Variants in AFF1 observed in about 807,000 individuals in gnomAD.
The protein encoded by AFF1 is ALF transcription elongation factor 1.
AFF1 carries 48 observed loss-of-function variants against 121.7 expected under a neutral mutation model. That is an observed-to-expected ratio of 0.39 (90% CI 0.31 to 0.50). AFF1 has a LOEUF of 0.50. Among genes scored for constraint, AFF1 ranks in the 20% least tolerant of loss-of-function variants. The pLI is 0.76. For missense variants in AFF1, 1,523 were observed against 1,511.7 expected (o/e 1.01, Z -0.12); for synonymous variants, 613 against 563.0 (o/e 1.09, Z -1.26).
intron 4 of AFF1, 113 bp downstream of exon 4, chr4:87,047,707 G>A: frequency 7.1e-7 from 1 of 1,406,238 alleles, no homozygotes; most frequent in Non-Finnish European, 1.0e-6. Context: ...TTTGGGTAGG[G>A]GGAATTCTTT....
At position 87,127,011 on chromosome 4, in the gene AFF1, AT is replaced by A. The variant is rs11448202; in HGVS notation, c.2812-5del. On this transcript the variant is annotated splice_polypyrimidine_tract_variant and intron_variant, in intron 14 of 20. Coordinates refer to ENST00000395146, the MANE Select transcript of AFF1 (RefSeq NM_001166693.3). ...ATGTTAGAGTGTAATCTGTATATTGATTTTTTTTTTGAAGGGTTCTTCCGGA... is the reference window on the plus strand; with the variant it reads ...ATGTTAGAGTGTAATCTGTATATTGATTTTTTTTTGAAGGGTTCTTCCGGA... The A allele has an allele frequency of 6.6e-4, 993 of 1,503,972 alleles. No homozygotes were observed. The highest frequency in any genetic ancestry group is 3.8e-3 in the African/African-American group (271 of 71,588). The allele number at this position is 1,503,972 out of a possible 1,614,324, so 93.2% of individuals were successfully genotyped here.
intron 2 of AFF1, among the ~76,000 whole-genome samples, chr4:86,985,931 A>C (rs1016850601): frequency 1.2e-5 from 1 of 83,284 alleles, no homozygotes; most frequent in African/African-American, 2.8e-5. Flanking sequence ...AAAGATTACC[A>C]CTAATTGATA....
intron 1 of AFF1, among the ~76,000 whole-genome samples, chr4:86,943,160 A>G (rs571245479): frequency 1.3e-5 from 2 of 152,332 alleles, no homozygotes; most frequent in East Asian, 3.9e-4. Context: ...GTAGCACCAG[A>G]ACCCCGTTGA....
chr4:87,068,666 G>A (rs1721633996), intron 4 of AFF1, among the ~76,000 whole-genome samples: 1 of 152,224 alleles, frequency 6.6e-6, no homozygotes, highest in Admixed American at 6.5e-5. Context: ...TGTACAGGGG[G>A]AAGGCAAATA....
intron 2 of AFF1, among the ~76,000 whole-genome samples, chr4:87,025,991 T>G (rs1728493503): frequency 6.6e-6 from 1 of 151,276 alleles, no homozygotes; most frequent in South Asian, 2.1e-4. Context: ...GTAAATGATT[T>G]ACCCAAAGAA....
intron 2 of AFF1, among the ~76,000 whole-genome samples, chr4:87,019,888 G>GGGT (rs1553918035): frequency 1.7e-4 from 7 of 41,378 alleles, no homozygotes; most frequent in Non-Finnish European, 4.3e-4. Flanking sequence ...AGGGGTCGGG[G>GGGT]GGGGGCAGTC....
At chr4:87,020,941 A>C in intron 2 of AFF1, 2 of 720,698 alleles carry the variant, frequency 2.8e-6, no homozygotes, top group East Asian at 1.3e-4. Context: ...TATATTCTGC[A>C]TGCGGATTTT....
intron 2 of AFF1, among the ~76,000 whole-genome samples, chr4:87,021,493 GC>G (rs1418774142): frequency 6.6e-6 from 1 of 152,188 alleles, no homozygotes; most frequent in Non-Finnish European, 1.5e-5. Context: ...TTTACATCTG[GC>G]TTTAGGCAGA....
intron 4 of AFF1, among the ~76,000 whole-genome samples, chr4:87,054,256 T>C (rs1423114512): frequency 6.6e-6 from 1 of 152,224 alleles, no homozygotes; most frequent in Admixed American, 6.5e-5. Flanking sequence ...GAAAAGCTTA[T>C]GGGCCACAGG....
At chr4:87,082,722 C>T (rs1425249089) in intron 4 of AFF1, among the ~76,000 whole-genome samples, 1 of 152,098 alleles carries the variant, frequency 6.6e-6, no homozygotes, top group Non-Finnish European at 1.5e-5. Flanking sequence ...AGCCAGCACA[C>T]CTGGCCTACA....
At chr4:87,082,801 TCATC>T (rs1723304863) in intron 4 of AFF1, among the ~76,000 whole-genome samples, 1 of 152,212 alleles carries the variant, frequency 6.6e-6, no homozygotes, top group South Asian at 2.1e-4. Context: ...TCCTTTTTCT[TCATC>T]CATGGAGTGA....
intron 2 of AFF1, among the ~76,000 whole-genome samples, chr4:86,966,858 C>T (rs1395802516): frequency 6.6e-6 from 1 of 152,182 alleles, no homozygotes; most frequent in Non-Finnish European, 1.5e-5. Context: ...ACTTCCAGGG[C>T]ACCATATCTC....
chr4:87,065,276 GT>G (rs925577928), intron 4 of AFF1, among the ~76,000 whole-genome samples: 11 of 152,090 alleles, frequency 7.2e-5, no homozygotes, highest in Admixed American at 7.2e-4. Flanking sequence ...GGAAACTCCT[GT>G]TTTTAAAACC....
chr4:86,967,362 A>G (rs1473388104), intron 2 of AFF1, among the ~76,000 whole-genome samples: 3 of 152,178 alleles, frequency 2.0e-5, no homozygotes, highest in African/African-American at 7.2e-5. Flanking sequence ...CTTTTGAGGA[A>G]CTGAATGAAG....
At chr4:87,018,258 A>G (rs771220194) in intron 2 of AFF1, among the ~76,000 whole-genome samples, 27 of 152,312 alleles carry the variant, frequency 1.8e-4, no homozygotes, top group Non-Finnish European at 3.5e-4. Flanking sequence ...CTCCCTCCCT[A>G]CAAGGAGCTC....
intron 2 of AFF1, among the ~76,000 whole-genome samples, chr4:87,003,675 A>T (rs1457911092): frequency 1.3e-5 from 2 of 152,208 alleles, no homozygotes; most frequent in Non-Finnish European, 2.9e-5. Context: ...AAGTGCTATT[A>T]TGAAGTATTT....
chr4:87,022,417 A>G (rs879414796), intron 2 of AFF1, among the ~76,000 whole-genome samples: 15 of 151,472 alleles, frequency 9.9e-5, no homozygotes, highest in South Asian at 2.1e-4. Flanking sequence ...ACTGAACACC[A>G]TACTTAAAAG....
chr4:87,073,610 C>G (rs991492162), intron 4 of AFF1, among the ~76,000 whole-genome samples: 3 of 152,178 alleles, frequency 2.0e-5, no homozygotes, highest in African/African-American at 7.2e-5. Context: ...AGGATAAAAT[C>G]TTTATGTCCT....
At chr4:87,108,037 A>G in intron 10 of AFF1, 122 bp from the exon 11 acceptor site, 1 of 997,714 alleles carries the variant, frequency 1.0e-6, no homozygotes. Flanking sequence ...ATGACATGAT[A>G]GTTTAGCAGT....
Sources: allele counts gnomAD v4.1 joint callset (sites outside exome capture counted in the v4.1 genomes callset), GRCh38; gene constraint gnomAD v4.1.1; transcripts MANE v1.5; gene names NCBI Gene and HGNC (gene_info 2026-07-23, HGNC 2026-07-21).